CLYBL: variants seen among roughly 807,000 people sequenced by gnomAD.
The protein encoded by CLYBL is citramalyl-CoA lyase, also known as citramalyl-CoA lyase, mitochondrial.
In CLYBL, 31 loss-of-function variants were observed where a neutral mutation model predicts 38.9. That is an observed-to-expected ratio of 0.80 (90% confidence interval 0.60 to 1.08). The LOEUF (loss-of-function observed/expected upper bound fraction) is 1.08, where lower values mean the gene tolerates loss of function less well. Ranked by LOEUF, CLYBL falls within the 50% of genes least tolerant of loss-of-function variation. The probability of loss-of-function intolerance (pLI) is 0.00; values close to 1 mark genes in which losing one functional copy is unlikely to be tolerated. For missense variants in CLYBL, 434 were observed against 411.6 expected (o/e 1.05, Z -0.47); for synonymous variants, 171 against 158.6 (o/e 1.08, Z -0.59).
chr13:99,705,602 C>A (rs972969122), intron 1 of CLYBL, among the ~76,000 whole-genome samples: 1 of 151,852 alleles, frequency 6.6e-6, no homozygotes, highest in Non-Finnish European at 1.5e-5. Context: ...AATTCTGATA[C>A]CTGCTATAAC....
chr13:99,786,301 C>T (rs1169040652), intron 2 of CLYBL, among the ~76,000 whole-genome samples: 2 of 150,954 alleles, frequency 1.3e-5, no homozygotes, highest in East Asian at 3.9e-4. Flanking sequence ...TGGTGTGCTG[C>T]ACCCATTAAC....
chr13:99,854,570 G>GC (rs2051411500), intron 2 of CLYBL, among the ~76,000 whole-genome samples: 1 of 151,966 alleles, frequency 6.6e-6, no homozygotes, highest in African/African-American at 2.4e-5. Context: ...AGACTGTGCC[G>GC]CCCTGCCGCG....
chr13:99,783,796 CTTA>C (rs2049717389), intron 2 of CLYBL: 1 of 151,886 alleles, frequency 6.6e-6, no homozygotes, highest in Non-Finnish European at 1.5e-5. Context: ...CTTTGGGACA[CTTA>C]TTTACTTTCC....
chr13:99,835,889 G>A (rs987059449), intron 2 of CLYBL, among the ~76,000 whole-genome samples: 1 of 152,172 alleles, frequency 6.6e-6, no homozygotes, highest in Non-Finnish European at 1.5e-5. Context: ...CAGGGTAGGT[G>A]GTAGATTGGC....
rs58865848 is a variant in CLYBL, at chr13:99,709,902, C to CT, written c.63-62910dup. On this transcript the variant is annotated intron_variant, in intron 1 of 8. Transcript: ENST00000339105. ...TTTCAGTAGCTGGTTTCGCCCCTAC[C>CT]TTTTTTTTTTTTCTTTCTTTCTTTT... 2.0e-3 allele frequency among the ~76,000 whole-genome samples: 273 copies of CT among 139,060 alleles called. 4 individuals carry two copies. The South Asian group carries it at 0.049, about 25-fold the overall frequency. 91.2% of individuals were successfully genotyped at this position (139,060 alleles called of 152,430 possible).
chr13:99,642,412 GTTA>G (rs71118497), intron 1 of CLYBL, among the ~76,000 whole-genome samples: 6 of 151,018 alleles, frequency 4.0e-5, no homozygotes, highest in Admixed American at 2.6e-4. Context: ...TATGATTATT[GTTA>G]TTATTATTAT....
At chr13:99,828,179 A>G (rs1007706641) in intron 2 of CLYBL, among the ~76,000 whole-genome samples, 3 of 152,222 alleles carry the variant, frequency 2.0e-5, no homozygotes, top group Admixed American at 6.5e-5. Context: ...CAAAAACTAG[A>G]TGATGGGCAA....
intron 1 of CLYBL, among the ~76,000 whole-genome samples, chr13:99,698,639 C>A (rs2048015196): frequency 6.6e-6 from 1 of 152,086 alleles, no homozygotes; most frequent in Non-Finnish European, 1.5e-5. Flanking sequence ...TTTTTGCTAA[C>A]ATTTTAATCC....
rs1350844331 is a variant in CLYBL, at chr13:99,849,673, G to T, written c.250-9188G>T. Among the ~76,000 whole-genome samples, 2 of 152,216 alleles carry T rather than the reference G, an allele frequency of 1.3e-5. No individual in the cohort carries two copies. The highest frequency in any genetic ancestry group is 2.9e-5 in the Non-Finnish European group (2 of 68,040). ...AGAGGCCCATAAGGATGCCTGTCAA[G>T]GTCTTCGCAGAAATACCAAAGGCCT... is the stretch of plus-strand genomic sequence containing the variant. On this transcript the variant is annotated intron_variant, in intron 2 of 8. Transcript: ENST00000339105. The surrounding 1 kb of genome is among the most constrained non-coding windows in gnomAD (Gnocchi z 4.9).
chr13:99,842,883 C>A (rs1321245893), intron 2 of CLYBL, among the ~76,000 whole-genome samples: 1 of 152,070 alleles, frequency 6.6e-6, no homozygotes, highest in Non-Finnish European at 1.5e-5. Flanking sequence ...TAGCCGCTAC[C>A]CTCCAGTCTG....
intron 1 of CLYBL, among the ~76,000 whole-genome samples, chr13:99,710,663 C>T (rs1304543948): frequency 6.6e-6 from 1 of 152,142 alleles, no homozygotes; most frequent in African/African-American, 2.4e-5. Flanking sequence ...CCGGTATCAG[C>T]CCCCTAGTTT....
intron 2 of CLYBL, among the ~76,000 whole-genome samples, chr13:99,791,232 G>T (rs754891171): frequency 6.6e-6 from 1 of 152,016 alleles, no homozygotes; most frequent in Admixed American, 6.6e-5. Context: ...ATGAGCCTCT[G>T]TTTCTTTAAT....
chr13:99,859,224 T>C (rs2051538692), intron 3 of CLYBL, among the ~76,000 whole-genome samples, 175 bp downstream of exon 3: 1 of 152,240 alleles, frequency 6.6e-6, no homozygotes. Flanking sequence ...AAACTCGCCT[T>C]TGCCCAAAGT....
At position 99,865,232 on chromosome 13, in the gene CLYBL, A is replaced by G. The variant is rs1034364150; in HGVS notation, c.634+321A>G. 2.5e-5 allele frequency: 9 copies of G among 356,900 alleles called. No individual in the cohort carries two copies. Among genetic ancestry groups the G allele is most frequent in the Non-Finnish European group, 4.3e-5 (8 of 183,986 alleles). 22.1% of individuals were successfully genotyped at this position (356,900 alleles called of 1,614,324 possible). On this transcript the variant is annotated intron_variant, in intron 5 of 8. Coordinates refer to ENST00000339105, the MANE Select transcript of CLYBL (RefSeq NM_206808.5). The surrounding 1 kb of genome is among the most constrained non-coding windows in gnomAD (Gnocchi z 4.7). ...CTCCTAATAAATATATTATGTGAACAGCCTCACCGTTGCTTCAGTATTTTG... is the reference window on the plus strand; with the variant it reads ...CTCCTAATAAATATATTATGTGAACGGCCTCACCGTTGCTTCAGTATTTTG...
Position 99,903,849 on chromosome 13 carries a change from G to A in CLYBL, c.*25-1421G>A, listed in dbSNP as rs114776647. Reference sequence around the variant, plus strand: ...AAAAATTTAAATTACAGTCTGAGCAGCAAAGCAAGACCCCATCTCTACAAA... The same window carrying A: ...AAAAATTTAAATTACAGTCTGAGCAACAAAGCAAGACCCCATCTCTACAAA... On this transcript the variant is annotated intron_variant and NMD_transcript_variant, in intron 8 of 9. Transcript: ENST00000689673. 3.0e-3 allele frequency among the ~76,000 whole-genome samples: 460 copies of A among 152,198 alleles called. 2 individuals are homozygous for A. The highest frequency in any genetic ancestry group is 0.011 in the African/African-American group (438 of 41,518).
intron 4 of CLYBL, among the ~76,000 whole-genome samples, chr13:99,863,901 A>G (rs1029692546): frequency 6.6e-6 from 1 of 152,158 alleles, no homozygotes; most frequent in South Asian, 2.1e-4. Flanking sequence ...TGTACTGGAG[A>G]GAGAATGTGT....
chr13:99,833,119 G>T (rs568458337), intron 2 of CLYBL, among the ~76,000 whole-genome samples: 22 of 135,086 alleles, frequency 1.6e-4, no homozygotes, highest in African/African-American at 6.3e-4. Flanking sequence ...TTAGCTCACT[G>T]CAACCTCCAC....
chr13:99,624,579 C>T (rs113609717), intron 1 of CLYBL, among the ~76,000 whole-genome samples: 45 of 152,162 alleles, frequency 3.0e-4, no homozygotes, highest in Non-Finnish European at 5.7e-4. Context: ...GTATAAACGG[C>T]GCATCTTCCG....
chr13:99,865,151 A>T lies in CLYBL; in HGVS notation c.634+240A>T, dbSNP rs1326285404. 2 of 502,650 alleles carry T rather than the reference A, an allele frequency of 4.0e-6. No homozygotes were observed. The highest frequency in any genetic ancestry group is 3.7e-6 in the Non-Finnish European group (1 of 266,820). The allele number at this position is 502,650 out of a possible 1,614,324, so 31.1% of individuals were successfully genotyped here. A position where few individuals can be genotyped will look rare whatever the true frequency, so the allele number is the denominator to read the frequency against. On this transcript the variant is annotated intron_variant, in intron 5 of 8. Coordinates refer to ENST00000339105, the MANE Select transcript of CLYBL (RefSeq NM_206808.5). The surrounding 1 kb of genome is among the most constrained non-coding windows in gnomAD (Gnocchi z 4.7). The stretch of plus-strand genomic sequence containing the variant: ...CTGTTCATTTATAAAAGACACGAGC[A>T]ATAGAAAGCCTGTTGCAGCCCCAGG...
Sources: allele counts gnomAD v4.1 joint callset (sites outside exome capture counted in the v4.1 genomes callset), GRCh38; gene constraint gnomAD v4.1.1; non-coding constraint Gnocchi (gnomAD v3.1); transcripts MANE v1.5; gene names NCBI Gene and HGNC (gene_info 2026-07-23, HGNC 2026-07-21).